PDE1C: variants seen among roughly 807,000 people sequenced by gnomAD.
The protein encoded by PDE1C is dual specificity calcium/calmodulin-dependent 3',5'-cyclic nucleotide phosphodiesterase 1C.
In PDE1C, 62 loss-of-function variants were observed where a neutral mutation model predicts 93.1. That is an observed-to-expected ratio of 0.67 (90% CI 0.54 to 0.82). The LOEUF is 0.82. Among genes scored for constraint, PDE1C ranks in the 40% least tolerant of loss-of-function variants. PDE1C has a pLI of 0.00. For synonymous variants in PDE1C, 325 were observed against 310.1 expected (o/e 1.05, Z -0.50); for missense variants, 742 against 884.6 (o/e 0.84, Z 2.04).
chr7:31,942,590 A>T (rs372254020), intron 2 of PDE1C, among the ~76,000 whole-genome samples: 1 of 152,186 alleles, frequency 6.6e-6, no homozygotes, highest in Admixed American at 6.5e-5. Flanking sequence ...GCAAGTGGGA[A>T]TGAAAAACAT....
At chr7:32,249,928 T>C (rs999499370) in intron 1 of PDE1C, among the ~76,000 whole-genome samples, 1 of 152,200 alleles carries the variant, frequency 6.6e-6, no homozygotes, top group Admixed American at 6.5e-5. Flanking sequence ...AAATAAAGAA[T>C]ATAAATACAA....
chr7:31,810,862 A>G (rs1232185719), intron 15 of PDE1C, among the ~76,000 whole-genome samples: 1 of 152,164 alleles, frequency 6.6e-6, no homozygotes, highest in African/African-American at 2.4e-5. Context: ...TTTATAAAGA[A>G]CTGATTATCT....
chr7:32,220,591 G>A (rs1388510891), intron 1 of PDE1C, among the ~76,000 whole-genome samples: 3 of 151,996 alleles, frequency 2.0e-5, no homozygotes, highest in Admixed American at 1.3e-4. Context: ...CGAGGCGGGC[G>A]GATCACGAGG....
intron 2 of PDE1C, among the ~76,000 whole-genome samples, chr7:31,957,353 C>T (rs955036595): frequency 6.6e-6 from 1 of 152,034 alleles, no homozygotes; most frequent in Non-Finnish European, 1.5e-5. Context: ...CCTGGCATCA[C>T]CCAATTCCCT....
At chr7:31,664,583 A>T in the PDE1C span, among the ~76,000 whole-genome samples, 1 of 152,232 alleles carries the variant, frequency 6.6e-6, no homozygotes, top group Non-Finnish European at 1.5e-5. Context: ...GATGACGACA[A>T]TTAAGATGCA....
intron 1 of PDE1C, among the ~76,000 whole-genome samples, chr7:32,304,702 C>A (rs773946597): frequency 6.6e-6 from 1 of 152,070 alleles, no homozygotes; most frequent in Non-Finnish European, 1.5e-5. Flanking sequence ...AATGACTTAG[C>A]CTCTCTGAGT....
Position 32,315,851 on chromosome 7 carries a change from C to T in PDE1C, c.311-106312G>A, listed in dbSNP as rs142891566. Among the ~76,000 whole-genome samples the T allele has an allele frequency of 5.6e-3, 850 of 152,132 alleles. 4 individuals are homozygous for T. Among genetic ancestry groups the T allele is most frequent in the Non-Finnish European group, 9.4e-3 (641 of 67,986 alleles). On this transcript the variant is annotated intron_variant, in intron 1 of 1. Coordinates refer to the PDE1C transcript ENST00000672256. ...TCTCTACTAAAAATACAAAATTAGC[C>T]GGGCATGGTGGTGCATATCTGTAAT...
the PDE1C span, among the ~76,000 whole-genome samples, chr7:31,664,139 G>A: frequency 6.6e-6 from 1 of 152,144 alleles, no homozygotes. Flanking sequence ...CCACTGTCCA[G>A]TATAACCATG....
chr7:32,349,961 A>C lies in PDE1C; in HGVS notation c.310+77861T>G, dbSNP rs6947460. Reference sequence around the variant, plus strand: ...AATTTTTTAATCCCCTCTTTTTAGAATATTCTGCTAGCAATAAGTTCCTGT... The same window carrying C: ...AATTTTTTAATCCCCTCTTTTTAGACTATTCTGCTAGCAATAAGTTCCTGT... On this transcript the variant is annotated intron_variant, in intron 1 of 1. Coordinates refer to the PDE1C transcript ENST00000672256. 6.4e-3 allele frequency among the ~76,000 whole-genome samples: 970 copies of C among 152,280 alleles called. 13 individuals carry two copies. Among genetic ancestry groups the C allele is most frequent in the African/African-American group, 0.023 (939 of 41,564 alleles).
At chr7:32,070,978 C>A (rs1006519292), upstream of PDE1C, 18 of 985,432 alleles carry the variant, frequency 1.8e-5, no homozygotes, top group Non-Finnish European at 2.2e-5. Flanking sequence ...CTCTCACTTA[C>A]CAGCAGCTCT....
rs1791557927 is a variant in PDE1C at position 31,839,396 on chromosome 7, G to A, written c.981-1425C>T. ...ACACAGATACTAGATATATACACAC[G>A]TGTTTCCATGTATATACATAGACAC... On this transcript the variant is annotated intron_variant, in intron 9 of 17. Coordinates refer to ENST00000396191, the MANE Select transcript of PDE1C (RefSeq NM_001191057.4). Among the ~76,000 whole-genome samples the A allele has an allele frequency of 3.7e-5, 5 of 136,170 alleles. No individual in the cohort carries two copies. The South Asian group carries it at 9.8e-4, about 27-fold the overall frequency. 89.3% of individuals were successfully genotyped at this position (136,170 alleles called of 152,430 possible).
At chr7:32,272,115 T>C (rs1811010492) in intron 1 of PDE1C, among the ~76,000 whole-genome samples, 1 of 152,212 alleles carries the variant, frequency 6.6e-6, no homozygotes, top group African/African-American at 2.4e-5. Context: ...CTGTAGACCT[T>C]GAATCTTAAG....
At chr7:31,680,057 TG>T in the PDE1C span, among the ~76,000 whole-genome samples, 8 of 152,234 alleles carry the variant, frequency 5.3e-5, no homozygotes, top group Non-Finnish European at 8.8e-5. Context: ...AACCAGGAGC[TG>T]CATTAGTCAG....
chr7:31,700,671 T>G, the PDE1C span, among the ~76,000 whole-genome samples: 1 of 152,172 alleles, frequency 6.6e-6, no homozygotes, highest in South Asian at 2.1e-4. Flanking sequence ...AATGCCTGGC[T>G]TCAAAACTTC....
chr7:31,765,843 T>C (rs1217177175), intron 17 of PDE1C, among the ~76,000 whole-genome samples: 2 of 152,160 alleles, frequency 1.3e-5, no homozygotes, highest in Admixed American at 1.3e-4. Flanking sequence ...GAAAGAAAAG[T>C]GGTTACAGTG....
chr7:32,022,977 T>A (rs74400516), intron 2 of PDE1C, among the ~76,000 whole-genome samples: 5 of 148,346 alleles, frequency 3.4e-5, no homozygotes, highest in Non-Finnish European at 6.0e-5. Context: ...TTTTTTTTTT[T>A]AACATTTAAA....
At chr7:32,194,407 T>C (rs1804464615) in intron 2 of PDE1C, among the ~76,000 whole-genome samples, 1 of 152,250 alleles carries the variant, frequency 6.6e-6, no homozygotes, top group Non-Finnish European at 1.5e-5. Flanking sequence ...TGTCTCCAAT[T>C]ATAATTGTAG....
intron 16 of PDE1C, chr7:31,787,204 C>T (rs1417098704): frequency 6.6e-6 from 1 of 152,100 alleles, no homozygotes; most frequent in South Asian, 2.1e-4. Context: ...TGAATGAACA[C>T]GTGCACTAGG....
the PDE1C span, among the ~76,000 whole-genome samples, chr7:31,633,160 C>G: frequency 3.3e-5 from 5 of 152,146 alleles, no homozygotes; most frequent in African/African-American, 1.2e-4. Flanking sequence ...GCTGGGATTA[C>G]AGGCGTGAGC....
Sources: gnomAD v4.1 joint callset for allele counts (sites outside exome capture counted in the v4.1 genomes callset) on GRCh38, gnomAD v4.1.1 for gene constraint, MANE v1.5 for transcripts, NCBI Gene and HGNC (gene_info 2026-07-23, HGNC 2026-07-21) for gene names.